Variants in PDCD11 observed in about 807,000 individuals in gnomAD.
PDCD11 encodes protein RRP5 homolog.
A neutral mutation model predicts 198.9 loss-of-function variants in PDCD11; 97 were observed. That is an observed-to-expected ratio of 0.49 (90% CI 0.41 to 0.58). The LOEUF (loss-of-function observed/expected upper bound fraction) is 0.58. PDCD11 is among the 20% of genes least tolerant of loss of function. The pLI, the probability that PDCD11 is intolerant of heterozygous loss-of-function variation, is 0.00. For synonymous variants in PDCD11, 893 were observed against 918.0 expected (o/e 0.97, Z 0.49); for missense variants, 2,102 against 2,312.7 (o/e 0.91, Z 1.87).
intron 2 of PDCD11, chr10:103,399,779 C>G (rs1157943106): frequency 6.6e-6 from 1 of 152,256 alleles, no homozygotes; most frequent in Non-Finnish European, 1.5e-5. Flanking sequence ...ACCTCCACTT[C>G]TTGGTTCAAG....
rs199766677 is a variant in PDCD11 at position 103,438,776 on chromosome 10, A to G, written c.3993A>G (p.Val1331=). The change falls in exon 27 of 36, where the codon GTA becomes GTG. Residue 1331 remains valine (V), a synonymous_variant. Coordinates refer to ENST00000369797, the MANE Select transcript of PDCD11 (RefSeq NM_014976.2). The part of the protein sequence containing the change: ...IKEGQLLRGY[V]GSIQPHGVFF... Reference sequence around the variant, plus strand: ...AAGGGCAGCTTCTGAGGGGCTATGTAGGGTCCATCCAGCCACACGGTGTGT... The same window carrying G: ...AAGGGCAGCTTCTGAGGGGCTATGTGGGGTCCATCCAGCCACACGGTGTGT... The G allele has an allele frequency of 6.2e-7, 1 of 1,614,010 alleles. No individual in the cohort carries two copies. Among genetic ancestry groups the G allele is most frequent in the Non-Finnish European group, 8.5e-7 (1 of 1,180,016 alleles).
At chr10:103,422,076 A>G (rs1310028395) in intron 17 of PDCD11, among the ~76,000 whole-genome samples, 1 of 139,990 alleles carries the variant, frequency 7.1e-6, no homozygotes, top group Non-Finnish European at 1.5e-5. Context: ...TATTATTATT[A>G]TTATTATTAT....
chr10:103,442,036 C>G, intron 31 of PDCD11, 61 bp downstream of exon 31: 1 of 1,598,264 alleles, frequency 6.3e-7, no homozygotes, highest in Non-Finnish European at 8.6e-7. Flanking sequence ...GTCTCTTGTG[C>G]TCTGTTCCTA....
At chr10:103,405,408 T>C in intron 5 of PDCD11, 1 of 369,256 alleles carries the variant, frequency 2.7e-6, no homozygotes, top group East Asian at 4.9e-5. Context: ...AGTCCAAATT[T>C]CTTTTTTTTT....
intron 35 of PDCD11, among the ~76,000 whole-genome samples, chr10:103,444,918 C>T (rs1456468621): frequency 6.6e-6 from 1 of 152,210 alleles, no homozygotes; most frequent in Non-Finnish European, 1.5e-5. Flanking sequence ...TCGAGTTTCT[C>T]TCATAATTAA....
chr10:103,434,921 G>A lies in PDCD11; in HGVS notation c.3791G>A (p.Ser1264Asn). 6.2e-7 allele frequency: 1 copy of A among 1,607,308 alleles called. No homozygotes were observed. Among genetic ancestry groups the A allele is most frequent in the Non-Finnish European group, 8.5e-7 (1 of 1,177,026 alleles). The change falls in exon 25 of 36, where the codon AGT becomes AAT. Residue 1264 changes from serine (S) to asparagine (N), a missense_variant. Physicochemically the swap from Ser to Asn is conservative, Grantham distance 46. Transcript: ENST00000369797. ...KIGTVSIFHMSDSYSETPLED... is the reference protein window; with the variant it reads ...KIGTVSIFHMNDSYSETPLED... ...GGAACAGTCAGTATATTTCACATGAGTGACTCCTACTCCGAGACGCCCCTG... is the reference window on the plus strand; with the variant it reads ...GGAACAGTCAGTATATTTCACATGAATGACTCCTACTCCGAGACGCCCCTG...
intron 3 of PDCD11, among the ~76,000 whole-genome samples, chr10:103,402,272 A>C (rs1183404481): frequency 6.6e-6 from 1 of 152,170 alleles, no homozygotes; most frequent in Non-Finnish European, 1.5e-5. Flanking sequence ...GCTCAGAATA[A>C]TGTAAAAGGC....
chr10:103,434,849 T>C lies in PDCD11; in HGVS notation c.3719T>C (p.Val1240Ala). The change falls in exon 25 of 36, where the codon GTG becomes GCG. Residue 1240 changes from valine to alanine, a missense_variant. Transcript: ENST00000369797. ...GTGGCCATGGGCCGAGTGGTGAAGG[T>C]GACTCCCAACGAGGGGCTGACCGTC... ...GEVAMGRVVK[V>A]TPNEGLTVSF... The C allele has an allele frequency of 6.2e-7, 1 of 1,612,800 alleles. No individual in the cohort carries two copies. The highest frequency in any genetic ancestry group is 8.5e-7 in the Non-Finnish European group (1 of 1,179,482).
At chr10:103,423,240 G>T in intron 18 of PDCD11, 103 bp downstream of exon 18, 1 of 1,221,082 alleles carries the variant, frequency 8.2e-7, no homozygotes. Flanking sequence ...TAGGTGAGTT[G>T]ATTCGGTAGA....
intron 24 of PDCD11, 56 bp from the exon 25 acceptor site, chr10:103,434,742 C>G: frequency 6.8e-7 from 1 of 1,475,582 alleles, no homozygotes; most frequent in Non-Finnish European, 9.2e-7. Context: ...GCTGGCATTC[C>G]CGCTCCTCCC....
At position 103,432,118 on chromosome 10, in the gene PDCD11, T is replaced by C; in HGVS notation, c.3369-11T>C. ...ATGGGTTTACTGTTTACATTTCCTT[T>C]CTGCAAACAGTGAGCTGGAGGATGG... On this transcript the variant is annotated splice_polypyrimidine_tract_variant and intron_variant, in intron 21 of 35. Transcript: ENST00000369797. 2 of 1,597,234 alleles carry C rather than the reference T, an allele frequency of 1.3e-6. No homozygotes were observed. Among genetic ancestry groups the C allele is most frequent in the Non-Finnish European group, 1.7e-6 (2 of 1,164,602 alleles).
At chr10:103,401,833 C>T (rs1279934521) in intron 3 of PDCD11, among the ~76,000 whole-genome samples, 2 of 151,944 alleles carry the variant, frequency 1.3e-5, no homozygotes, top group African/African-American at 2.4e-5. Flanking sequence ...AGCTCCGCCT[C>T]CCGGGTTCTC....
At chr10:103,440,991 C>A in intron 30 of PDCD11, 141 bp downstream of exon 30, 1 of 614,882 alleles carries the variant, frequency 1.6e-6, no homozygotes, top group South Asian at 2.0e-5. Context: ...ACCGTCAGCT[C>A]CTTGAGGACA....
chr10:103,443,018 C>A, intron 32 of PDCD11, 147 bp from the exon 33 acceptor site: 1 of 581,974 alleles, frequency 1.7e-6, no homozygotes. Flanking sequence ...GCTGTGGGGA[C>A]ACAGCCTCTT....
intron 8 of PDCD11, among the ~76,000 whole-genome samples, chr10:103,412,284 C>CT (rs555998364): frequency 8.2e-4 from 125 of 151,742 alleles, no homozygotes; most frequent in African/African-American, 2.7e-3. Context: ...CCTCAGCCTC[C>CT]TGAGTAGCTG....
At chr10:103,443,565 G>T (rs1238092401) in intron 33 of PDCD11, among the ~76,000 whole-genome samples, 2 of 152,214 alleles carry the variant, frequency 1.3e-5, no homozygotes, top group East Asian at 3.9e-4. Context: ...TGGACCCCTG[G>T]TGTGTCTGCC....
At position 103,403,111 on chromosome 10, in the gene PDCD11, C is replaced by T. The variant is rs200513211; in HGVS notation, c.235-7C>T. 5.6e-6 allele frequency: 9 copies of T among 1,613,070 alleles called. No individual in the cohort carries two copies. Among genetic ancestry groups the T allele is most frequent in the African/African-American group, 1.3e-5 (1 of 74,984 alleles). On this transcript the variant is annotated splice_polypyrimidine_tract_variant and splice_region_variant and intron_variant, in intron 3 of 35. Transcript: ENST00000369797. Reference sequence around the variant, plus strand: ...TTATTGTACACATTTCACTTTTTCTCTTCTAGTCCCTGTGTGAGGGAATGC... The same window carrying T: ...TTATTGTACACATTTCACTTTTTCTTTTCTAGTCCCTGTGTGAGGGAATGC...
chr10:103,408,876 A>G (rs1472070734), intron 7 of PDCD11, among the ~76,000 whole-genome samples: 2 of 152,114 alleles, frequency 1.3e-5, no homozygotes, highest in South Asian at 4.1e-4. Context: ...CAGGAACAGG[A>G]CTAGCAGATT....
At chr10:103,415,991 T>G (rs2031086182) in intron 12 of PDCD11, among the ~76,000 whole-genome samples, 1 of 152,230 alleles carries the variant, frequency 6.6e-6, no homozygotes, top group Non-Finnish European at 1.5e-5. Context: ...TGCCCATTGG[T>G]GCAAAATTTT....
Sources: allele counts gnomAD v4.1 joint callset (sites outside exome capture counted in the v4.1 genomes callset), GRCh38; gene constraint gnomAD v4.1.1; transcripts MANE v1.5; gene names NCBI Gene and HGNC (gene_info 2026-07-23, HGNC 2026-07-21).